Variants in GRM7 observed in about 807,000 individuals in gnomAD.
The protein encoded by GRM7 is metabotropic glutamate receptor 7.
Under a neutral mutation model 84.5 loss-of-function variants are expected in GRM7, and 35 were observed. That is an observed-to-expected ratio of 0.41 (90% CI 0.32 to 0.55). The LOEUF is 0.55. GRM7 is among the 20% of genes least tolerant of loss of function. The pLI, the probability that GRM7 is intolerant of heterozygous loss-of-function variation, is 0.19. For missense variants in GRM7, 1,003 were observed against 1,194.6 expected (o/e 0.84, Z 2.36); for synonymous variants, 487 against 455.1 (o/e 1.07, Z -0.89).
intron 1 of GRM7, among the ~76,000 whole-genome samples, chr3:7,077,502 C>T (rs1440515181): frequency 3.0e-5 from 4 of 132,762 alleles, no homozygotes; most frequent in Non-Finnish European, 4.6e-5. Context: ...TGTTCTCACT[C>T]ATAAGTGGGA....
rs964889747 is a variant in GRM7, at chr3:7,584,565, A to C, written c.2451+5208A>C. ...ATGAAGAGTCAGCAGAAGTTTCTAA[A>C]TGTGGGAGAAATGTGAGCATAGGGT... On this transcript the variant is annotated intron_variant, in intron 8 of 9. Coordinates refer to ENST00000357716, the MANE Select transcript of GRM7 (RefSeq NM_000844.4). Among the ~76,000 whole-genome samples, 25 of 152,228 alleles carry C rather than the reference A, an allele frequency of 1.6e-4. 1 individual carries two copies. The highest frequency in any genetic ancestry group is 1.3e-4 in the Admixed American group (2 of 15,286).
At chr3:7,711,072 C>A (rs1003746031) in intron 9 of GRM7, among the ~76,000 whole-genome samples, 1 of 152,172 alleles carries the variant, frequency 6.6e-6, no homozygotes, top group Non-Finnish European at 1.5e-5. Context: ...CCATCATTGG[C>A]AAGTTGTCCC....
intron 1 of GRM7, among the ~76,000 whole-genome samples, chr3:7,068,756 C>A (rs933973672): frequency 6.6e-6 from 1 of 151,886 alleles, no homozygotes; most frequent in African/African-American, 2.4e-5. Context: ...GCATATATTT[C>A]ATTCCATAAG....
intron 1 of GRM7, among the ~76,000 whole-genome samples, chr3:6,954,411 C>A (rs1302261319): frequency 1.3e-5 from 2 of 152,088 alleles, no homozygotes; most frequent in Admixed American, 6.5e-5. Context: ...GCATAATAAG[C>A]TTTCATTATG....
chr3:7,104,229 T>TC (rs1553617574), intron 1 of GRM7, among the ~76,000 whole-genome samples: 1 of 151,668 alleles, frequency 6.6e-6, no homozygotes, highest in African/African-American at 2.4e-5. Flanking sequence ...AGTGCCTTTT[T>TC]TTTTCTTTTC....
At chr3:7,031,172 T>C (rs1197063670) in intron 1 of GRM7, among the ~76,000 whole-genome samples, 6 of 152,114 alleles carry the variant, frequency 3.9e-5, no homozygotes, top group African/African-American at 1.4e-4. Flanking sequence ...TAAAATCCAG[T>C]CACTTCATCT....
intron 1 of GRM7, among the ~76,000 whole-genome samples, chr3:7,040,721 G>C (rs539488405): frequency 6.6e-6 from 1 of 152,162 alleles, no homozygotes; most frequent in East Asian, 1.9e-4. Context: ...CCTTGCTGGA[G>C]AGCATGTTAG....
intron 4 of GRM7, among the ~76,000 whole-genome samples, chr3:7,401,072 C>G (rs1023002318): frequency 3.3e-5 from 5 of 152,022 alleles, no homozygotes; most frequent in African/African-American, 1.2e-4. Context: ...TACATACTTT[C>G]AGAATCTCTC....
chr3:7,218,326 G>A (rs996905180), intron 2 of GRM7, among the ~76,000 whole-genome samples: 5 of 152,002 alleles, frequency 3.3e-5, no homozygotes, highest in African/African-American at 7.2e-5. Flanking sequence ...AATAAAGGGC[G>A]TTGCCTTAAT....
intron 1 of GRM7, among the ~76,000 whole-genome samples, chr3:6,959,414 G>A (rs11925085): frequency 5.9e-5 from 9 of 152,110 alleles, no homozygotes; most frequent in African/African-American, 2.2e-4. Context: ...GTTAAGGTAT[G>A]TAAAATAGCA....
At chr3:7,328,250 A>G (rs1278657637) in intron 4 of GRM7, among the ~76,000 whole-genome samples, 1 of 152,198 alleles carries the variant, frequency 6.6e-6, no homozygotes. Flanking sequence ...TGTGTCCTAT[A>G]CCATTTGATT....
Position 7,680,788 on chromosome 3 carries a change from GT to G in GRM7, c.2698+495del, listed in dbSNP as rs1270644545. On this transcript the variant is annotated intron_variant, in intron 9 of 9. Coordinates refer to ENST00000357716, the MANE Select transcript of GRM7 (RefSeq NM_000844.4). ...AGAAACATATAAAATATTGGAAAAA[GT>G]TGTCAAATCCAGGTACACAGGGCCA... 3 of 161,442 alleles carry G rather than the reference GT, an allele frequency of 1.9e-5. No homozygotes were observed. The East Asian group carries it at 5.6e-4, about 30-fold the overall frequency. 10.0% of individuals were successfully genotyped at this position (161,442 alleles called of 1,614,324 possible).
intron 2 of GRM7, among the ~76,000 whole-genome samples, chr3:7,235,859 G>T (rs1050733738): frequency 1.3e-5 from 2 of 152,190 alleles, no homozygotes; most frequent in South Asian, 4.1e-4. Context: ...CTAAATGATA[G>T]TACATACAGT....
chr3:7,532,353 G>T (rs1301828494), intron 7 of GRM7, among the ~76,000 whole-genome samples: 2 of 152,094 alleles, frequency 1.3e-5, no homozygotes, highest in Admixed American at 1.3e-4. Flanking sequence ...GTTTTGGAGG[G>T]TGTATGCGTC....
chr3:6,895,161 A>G (rs1424780498), intron 1 of GRM7, among the ~76,000 whole-genome samples: 1 of 152,158 alleles, frequency 6.6e-6, no homozygotes, highest in East Asian at 1.9e-4. Flanking sequence ...TTAACACTCA[A>G]TCTACTGGAA....
intron 7 of GRM7, among the ~76,000 whole-genome samples, chr3:7,492,172 T>C (rs1212702519): frequency 6.6e-6 from 1 of 152,168 alleles, no homozygotes; most frequent in Non-Finnish European, 1.5e-5. Context: ...TGGTTATTGT[T>C]TTGTGTACTG....
intron 5 of GRM7, among the ~76,000 whole-genome samples, chr3:7,425,696 GA>G (rs1409301760): frequency 2.6e-5 from 4 of 151,938 alleles, no homozygotes; most frequent in Non-Finnish European, 5.9e-5. Flanking sequence ...TTTTATTAGA[GA>G]AAAAATGCAA....
intron 2 of GRM7, among the ~76,000 whole-genome samples, chr3:7,241,026 C>T (rs1697540167): frequency 6.6e-6 from 1 of 152,094 alleles, no homozygotes; most frequent in African/African-American, 2.4e-5. Context: ...TAACTCTACT[C>T]TATGATGTTT....
In GRM7 at chr3:7,188,045, C is replaced by G. The variant is rs906648911; in HGVS notation, c.736+41377C>G. 6.6e-6 allele frequency among the ~76,000 whole-genome samples: 1 copy of G among 152,082 alleles called. No individual in the cohort carries two copies. The highest frequency in any genetic ancestry group is 1.5e-5 in the Non-Finnish European group (1 of 68,018). On this transcript the variant is annotated intron_variant, in intron 2 of 9. Coordinates refer to ENST00000357716, the MANE Select transcript of GRM7 (RefSeq NM_000844.4). This position sits in a 1 kb window ranked among gnomAD's most constrained non-coding sequence, Gnocchi z 4.2. ...AAAGAAAGGCAAACCTAGAAGGATT[C>G]GAGTTCCCTGGTGAGTTTAATAGAG...
Sources: allele counts gnomAD v4.1 joint callset (sites outside exome capture counted in the v4.1 genomes callset), GRCh38; gene constraint gnomAD v4.1.1; non-coding constraint Gnocchi (gnomAD v3.1); transcripts MANE v1.5; gene names NCBI Gene and HGNC (gene_info 2026-07-23, HGNC 2026-07-21).